Variants in MTOR observed in about 807,000 individuals in gnomAD.
MTOR encodes the protein mechanistic target of rapamycin kinase, also known as serine/threonine-protein kinase mTOR.
MTOR carries 70 observed loss-of-function variants against 319.8 expected under a neutral mutation model. That is an observed-to-expected ratio of 0.22 (90% CI 0.18 to 0.27). The LOEUF is 0.27. MTOR is among the 10% of genes least tolerant of loss of function. MTOR has a pLI of 1.00. For missense variants in MTOR, 1,890 were observed against 3,274.4 expected, an observed-to-expected ratio of 0.58 and a Z score of 10.32; for synonymous variants, 1,183 against 1,211.4, an observed-to-expected ratio of 0.98 and a Z score of 0.49.
At chr1:11,254,044 T>A in intron 5 of MTOR, 71 bp from the exon 6 acceptor site, 2 of 1,595,150 alleles carry the variant, frequency 1.3e-6, no homozygotes, top group Non-Finnish European at 1.7e-6. Flanking sequence ...GCCCATCCCA[T>A]CTACACTGGG....
intron 30 of MTOR, among the ~76,000 whole-genome samples, chr1:11,154,812 G>C (rs1204952553): frequency 6.6e-6 from 1 of 151,698 alleles, no homozygotes; most frequent in African/African-American, 2.4e-5. Flanking sequence ...TCACACCACT[G>C]TACTCCACTG....
intron 28 of MTOR, chr1:11,192,482 G>A (rs546527972): frequency 2.3e-5 from 20 of 883,502 alleles, no homozygotes; most frequent in African/African-American, 6.6e-5. Flanking sequence ...TCGGCTGGGC[G>A]CAGTGGCTCA....
chr1:11,176,380 G>A (rs1199733045), intron 28 of MTOR, among the ~76,000 whole-genome samples: 5 of 152,162 alleles, frequency 3.3e-5, no homozygotes, highest in Non-Finnish European at 5.9e-5. Context: ...GGCGCCTGTC[G>A]GAAAGTCCTC....
At chr1:11,168,095 T>C (rs904511306) in intron 28 of MTOR, among the ~76,000 whole-genome samples, 4 of 150,908 alleles carry the variant, frequency 2.7e-5, no homozygotes, top group Admixed American at 6.6e-5. Flanking sequence ...GAGCATAGAC[T>C]GGTTTCCTCT....
intron 49 of MTOR, among the ~76,000 whole-genome samples, chr1:11,117,532 A>T (rs370612670): frequency 6.6e-5 from 10 of 152,340 alleles, no homozygotes; most frequent in African/African-American, 2.4e-4. Flanking sequence ...CTCATTCACA[A>T]TTCTAACAAT....
chr1:11,142,306 G>A (rs1280278311), intron 34 of MTOR, among the ~76,000 whole-genome samples: 1 of 150,968 alleles, frequency 6.6e-6, no homozygotes, highest in East Asian at 2.0e-4. Context: ...CTTTTTTTTT[G>A]GAGATGGAGT....
intron 53 of MTOR, 124 bp from the exon 54 acceptor site, chr1:11,113,041 G>A: frequency 1.0e-6 from 1 of 987,540 alleles, no homozygotes; most frequent in Non-Finnish European, 1.5e-6. Flanking sequence ...AAAAAGAGAT[G>A]ACAGACATAT....
chr1:11,143,290 C>T (rs1251605433), intron 34 of MTOR, among the ~76,000 whole-genome samples: 1 of 152,208 alleles, frequency 6.6e-6, no homozygotes, highest in Non-Finnish European at 1.5e-5. Flanking sequence ...GTCAGACAGG[C>T]ATCTCTCTTC....
At chr1:11,214,297 C>A (rs1306635084) in intron 20 of MTOR, among the ~76,000 whole-genome samples, 1 of 152,238 alleles carries the variant, frequency 6.6e-6, no homozygotes, top group Non-Finnish European at 1.5e-5. Context: ...ACAAAATGAG[C>A]CCCTTTCTAC....
intron 28 of MTOR, among the ~76,000 whole-genome samples, chr1:11,170,231 C>A (rs924397560): frequency 3.3e-5 from 5 of 152,192 alleles, no homozygotes; most frequent in African/African-American, 1.2e-4. Flanking sequence ...TCTAAAGGGA[C>A]CTACTCCACT....
chr1:11,145,208 A>C, intron 32 of MTOR, 163 bp from the exon 33 acceptor site: 2 of 631,042 alleles, frequency 3.2e-6, no homozygotes, highest in Non-Finnish European at 5.6e-6. Context: ...GAATGGCTTG[A>C]GAGGAGGTAT....
chr1:11,137,460 GTA>G (rs1442415768), intron 36 of MTOR, among the ~76,000 whole-genome samples: 3 of 152,128 alleles, frequency 2.0e-5, no homozygotes, highest in African/African-American at 7.2e-5. Context: ...AGAGAATCCA[GTA>G]TCTTTCTACT....
intron 6 of MTOR, among the ~76,000 whole-genome samples, chr1:11,249,970 GCTC>G (rs1040288761): frequency 7.3e-5 from 11 of 150,556 alleles, no homozygotes; most frequent in African/African-American, 2.4e-4. Flanking sequence ...GGGCAGAGGG[GCTC>G]CTCACTTCCC....
At position 11,209,442 on chromosome 1, in the gene MTOR, T is replaced by C. The variant is rs1264783501; in HGVS notation, c.3671A>G (p.Asp1224Gly). 7 of 1,614,050 alleles carry C rather than the reference T, an allele frequency of 4.3e-6. No homozygotes were observed. The highest frequency in any genetic ancestry group is 5.9e-6 in the Non-Finnish European group (7 of 1,180,030). The change falls in exon 25 of 58, where the codon GAT (aspartate) becomes GGT (glycine). Residue 1224 changes from aspartate (D) to glycine (G), a missense_variant. Around this residue, in one of 15 missense-constraint regions of MTOR, gnomAD observed 115 missense variants for 105.7 expected, o/e 1.09. Transcript: ENST00000361445. ...GTAAATCAAAGGATCCTCCTCTTCA[T>C]CAGCAAGTGTGTATCCCTACAACCA... is the stretch of plus-strand genomic sequence containing the variant. ...CRIVKGYTLA[D>G]EEEDPLIYQH...
intron 47 of MTOR, among the ~76,000 whole-genome samples, chr1:11,123,133 C>T (rs929106772): frequency 1.3e-5 from 2 of 152,168 alleles, no homozygotes; most frequent in Non-Finnish European, 2.9e-5. Context: ...ACAAATTGCT[C>T]CCTGCTGGAT....
rs890833331 is a variant in MTOR at position 11,213,050 on chromosome 1, T to C, written c.3286-142A>G. 3 of 633,494 alleles carry C rather than the reference T, an allele frequency of 4.7e-6. No individual in the cohort carries two copies. In the African/African-American group the frequency reaches 5.5e-5, roughly 12 times the overall value. The allele number at this position is 633,494 out of a possible 1,614,324, so 39.2% of individuals were successfully genotyped here. ...TTAAATGGCCTTGAACTATATCCTT[T>C]TGATAGCACTTTCTTCCCCTCATTT... On this transcript the variant is annotated intron_variant, in intron 21 of 57. Coordinates refer to ENST00000361445, the MANE Select transcript of MTOR (RefSeq NM_004958.4).
At chr1:11,262,167 A>C (rs1651221174) in intron 1 of MTOR, among the ~76,000 whole-genome samples, 1 of 152,210 alleles carries the variant, frequency 6.6e-6, no homozygotes, top group African/African-American at 2.4e-5. Context: ...TGTGACAGGC[A>C]AAAGACCCAA....
At chr1:11,113,022 T>G in intron 53 of MTOR, 105 bp from the exon 54 acceptor site, 8 of 1,220,816 alleles carry the variant, frequency 6.6e-6, no homozygotes, top group Non-Finnish European at 9.4e-6. Context: ...CGTAAAGCTA[T>G]AGCCCCAAAA....
rs2100868065 is a variant in MTOR at position 11,231,350 on chromosome 1, C to A, written c.2599G>T (p.Val867Leu). 1 of 1,614,176 alleles carries A rather than the reference C, an allele frequency of 6.2e-7. No homozygotes were observed. The highest frequency in any genetic ancestry group is 2.2e-5 in the East Asian group (1 of 44,884). Residue 867 changes from valine to leucine, a missense_variant, in exon 17 of 58, where the codon GTG (valine) becomes TTG (leucine). By Grantham distance (32) the Val-to-Leu change is conservative. This residue lies in a region of MTOR where 377 missense variants were observed against 653.9 expected (regional missense o/e 0.58). Transcript: ENST00000361445. ...PYRKYPTLLE[V>L]LLNFLKTEQN... is the part of the protein sequence containing the mutation. Reference sequence around the variant, plus strand: ...TCAGTCTTCAGAAAATTCAGTAGCACCTCAAGCAAAGTAGGGTACTTCCTG... The same window carrying A: ...TCAGTCTTCAGAAAATTCAGTAGCAACTCAAGCAAAGTAGGGTACTTCCTG...
Sources: gnomAD v4.1 joint callset for allele counts (sites outside exome capture counted in the v4.1 genomes callset) on GRCh38, gnomAD v4.1.1 for gene constraint, gnomAD v4.1.1 regional missense constraint, MANE v1.5 for transcripts, NCBI Gene and HGNC (gene_info 2026-07-23, HGNC 2026-07-21) for gene names.